Variants in SHC3 observed in about 807,000 individuals in gnomAD.
SHC3 encodes the protein SHC-transforming protein 3.
In SHC3, 15 loss-of-function variants were observed where a neutral mutation model predicts 60.4. The observed-to-expected ratio is 0.25, with a 90% CI of 0.17 to 0.38. The LOEUF is 0.38. Among genes scored for constraint, SHC3 ranks in the 10% least tolerant of loss-of-function variants. The pLI is 1.00. For missense variants in SHC3, 677 were observed against 786.1 expected (o/e 0.86, Z 1.66); for synonymous variants, 294 against 325.9 (o/e 0.90, Z 1.05).
chr9:89,102,990 G>A (rs996232021), intron 2 of SHC3, among the ~76,000 whole-genome samples: 1 of 152,178 alleles, frequency 6.6e-6, no homozygotes, highest in Non-Finnish European at 1.5e-5. Flanking sequence ...GTGATGGTGG[G>A]GCATGGACTG....
At chr9:89,038,331 A>G (rs753045106) in intron 10 of SHC3, 43 bp from the exon 11 acceptor site, 1 of 1,467,518 alleles carries the variant, frequency 6.8e-7, no homozygotes, top group South Asian at 1.4e-5. Flanking sequence ...AATCCCAAGA[A>G]GAGCAAATGA....
intron 6 of SHC3, among the ~76,000 whole-genome samples, chr9:89,056,849 G>A (rs1824960124): frequency 1.3e-5 from 2 of 152,262 alleles, no homozygotes; most frequent in South Asian, 2.1e-4. Flanking sequence ...GGCAAGCTTT[G>A]TGTGAACAGC....
Position 89,178,202 on chromosome 9 carries a change from CCGA to C in SHC3, c.256_258del (p.Ser86del). The C allele has an allele frequency of 1.4e-6, 2 of 1,413,180 alleles. No homozygotes were observed. The allele number at this position is 1,413,180 out of a possible 1,614,324, so 87.5% of individuals were successfully genotyped here. The stretch of plus-strand genomic sequence containing the variant: ...CGCGCGCCCGCCCGCTCCCGGGCGG[CCGA>C]CGACAGGCCGCGGAGGCCCGAGCTG... On this transcript the variant is annotated inframe_deletion, in exon 1 of 12. Coordinates refer to ENST00000375835, the MANE Select transcript of SHC3 (RefSeq NM_016848.6). This position sits in a 1 kb window ranked among gnomAD's most constrained non-coding sequence, Gnocchi z 6.9.
chr9:89,019,943 G>C (rs1389557850), intron 11 of SHC3, among the ~76,000 whole-genome samples: 1 of 152,214 alleles, frequency 6.6e-6, no homozygotes, highest in Non-Finnish European at 1.5e-5. Context: ...GCTGGAGGAA[G>C]TGAGGTTTTA....
At position 89,107,261 on chromosome 9, in the gene SHC3, C is replaced by A. The variant is rs1825876348; in HGVS notation, c.545+5295G>T. ...CTCCCAGGCCGCAAGGACCCTCTTC[C>A]ATGTTTCTGGGGTAGTATCCCATGA... On this transcript the variant is annotated intron_variant, in intron 2 of 11. Coordinates refer to ENST00000375835, the MANE Select transcript of SHC3 (RefSeq NM_016848.6). Among the ~76,000 whole-genome samples the A allele has an allele frequency of 2.6e-5, 4 of 152,188 alleles. No homozygotes were observed. In the South Asian group the frequency reaches 8.3e-4, roughly 32 times the overall value.
At chr9:89,151,743 A>C (rs184114643) in intron 1 of SHC3, among the ~76,000 whole-genome samples, 28 of 152,308 alleles carry the variant, frequency 1.8e-4, no homozygotes, top group African/African-American at 6.5e-4. Flanking sequence ...CAATTTGGGG[A>C]ATCATTGAGC....
At chr9:89,081,902 C>A (rs1478140730) in intron 2 of SHC3, among the ~76,000 whole-genome samples, 1 of 152,144 alleles carries the variant, frequency 6.6e-6, no homozygotes, top group Admixed American at 6.5e-5. Flanking sequence ...CAGCTCCTGA[C>A]CCCTTGGTGA....
At chr9:89,063,677 T>C (rs1032462297) in intron 6 of SHC3, among the ~76,000 whole-genome samples, 2 of 152,192 alleles carry the variant, frequency 1.3e-5, no homozygotes, top group African/African-American at 4.8e-5. Context: ...CAGCCCAGAC[T>C]CTCTAGCTAA....
chr9:89,146,022 T>C (rs1373353389), intron 1 of SHC3, among the ~76,000 whole-genome samples: 1 of 151,982 alleles, frequency 6.6e-6, no homozygotes, highest in Non-Finnish European at 1.5e-5. Flanking sequence ...TGAGGGAAAA[T>C]GAATTTTGAA....
intron 11 of SHC3, among the ~76,000 whole-genome samples, chr9:89,032,871 G>A (rs892814484): frequency 6.6e-6 from 1 of 152,192 alleles, no homozygotes; most frequent in African/African-American, 2.4e-5. Context: ...ATATTGAAGA[G>A]AATGTGTTCA....
At chr9:89,098,454 G>T (rs907229344) in intron 2 of SHC3, among the ~76,000 whole-genome samples, 4 of 152,214 alleles carry the variant, frequency 2.6e-5, no homozygotes, top group African/African-American at 9.7e-5. Context: ...CTCAGGAAAT[G>T]TGCACTTAAC....
At chr9:89,134,811 G>A (rs903440215) in intron 1 of SHC3, among the ~76,000 whole-genome samples, 1 of 152,082 alleles carries the variant, frequency 6.6e-6, no homozygotes, top group Non-Finnish European at 1.5e-5. Context: ...GAGCTGAAAT[G>A]TTTATTAATA....
chr9:89,039,455 T>A (rs1189570024), intron 10 of SHC3, among the ~76,000 whole-genome samples: 1 of 152,236 alleles, frequency 6.6e-6, no homozygotes, highest in Admixed American at 6.5e-5. Flanking sequence ...TTCTTTTTCA[T>A]CTGACTTTTT....
At chr9:89,117,258 T>C (rs1264663398) in intron 1 of SHC3, among the ~76,000 whole-genome samples, 1 of 152,212 alleles carries the variant, frequency 6.6e-6, no homozygotes, top group Non-Finnish European at 1.5e-5. Flanking sequence ...CAGCAATTTG[T>C]CCTCTCATCA....
At chr9:89,124,007 A>C (rs1402661382) in intron 1 of SHC3, among the ~76,000 whole-genome samples, 1 of 152,222 alleles carries the variant, frequency 6.6e-6, no homozygotes, top group African/African-American at 2.4e-5. Context: ...GCAATCATTC[A>C]ATTGTAGCTA....
intron 5 of SHC3, among the ~76,000 whole-genome samples, chr9:89,067,569 C>G (rs1421368428): frequency 6.6e-6 from 1 of 152,080 alleles, no homozygotes; most frequent in Non-Finnish European, 1.5e-5. Flanking sequence ...TTTCTCTGCC[C>G]ACATAAAGCA....
chr9:89,009,637 C>T lies in SHC3; in HGVS notation c.*3810G>A, dbSNP rs1022130624. On this transcript the variant is annotated 3_prime_UTR_variant, in exon 12 of 12. Transcript: ENST00000375835. ...GAGAAATCCAGCAACCCGCCTGAGT[C>T]CACGCCGTTCTGGGTGTGCCAGGGT... The T allele has an allele frequency of 4.6e-5, 7 of 152,280 alleles. No individual in the cohort carries two copies. The highest frequency in any genetic ancestry group is 1.7e-4 in the African/African-American group (7 of 41,444). 9.4% of individuals were successfully genotyped at this position (152,280 alleles called of 1,614,324 possible).
intron 7 of SHC3, 37 bp downstream of exon 7, chr9:89,052,000 C>G: frequency 6.2e-7 from 1 of 1,609,378 alleles, no homozygotes; most frequent in South Asian, 1.1e-5. Flanking sequence ...ATAAAACCCA[C>G]ATAGGCTATT....
chr9:89,108,732 A>G (rs1180085763), intron 2 of SHC3, among the ~76,000 whole-genome samples: 1 of 152,212 alleles, frequency 6.6e-6, no homozygotes, highest in East Asian at 1.9e-4. Context: ...CATGGTTTAT[A>G]CAATGGATTT....
Sources: allele counts gnomAD v4.1 joint callset (sites outside exome capture counted in the v4.1 genomes callset), GRCh38; gene constraint gnomAD v4.1.1; non-coding constraint Gnocchi (gnomAD v3.1); transcripts MANE v1.5; gene names NCBI Gene and HGNC (gene_info 2026-07-23, HGNC 2026-07-21).